The following KIF21A variants were observed in gnomAD, a reference collection of about 807,000 sequenced individuals.
The protein encoded by KIF21A is kinesin family member 21A, also known as kinesin-like protein KIF21A.
Under a neutral mutation model 202.9 loss-of-function variants are expected in KIF21A, and 114 were observed. That is an observed-to-expected ratio of 0.56 (90% CI 0.48 to 0.66). KIF21A has a LOEUF of 0.66. Ranked by LOEUF, KIF21A falls within the 30% of genes least tolerant of loss-of-function variation. The probability of loss-of-function intolerance (pLI) is 0.00; values close to 1 mark genes in which losing one functional copy is unlikely to be tolerated. For synonymous variants in KIF21A, 667 were observed against 670.8 expected (o/e 0.99, Z 0.09); for missense variants, 1,677 against 1,994.9 (o/e 0.84, Z 3.04).
chr12:39,295,692 G>GGTTTTTTTT (rs1426585743), intron 37 of KIF21A, among the ~76,000 whole-genome samples: 1 of 78,086 alleles, frequency 1.3e-5, no homozygotes, highest in Non-Finnish European at 2.5e-5. Context: ...CTTGGGATAT[G>GGTTTTTTTT]TTTTTTTTTT....
chr12:39,342,254 C>A, intron 12 of KIF21A, 130 bp from the exon 13 acceptor site: 1 of 698,238 alleles, frequency 1.4e-6, no homozygotes. Context: ...CTTAACTGAG[C>A]AAAGCTATTC....
At chr12:39,338,760 A>G (rs1162113530) in intron 16 of KIF21A, among the ~76,000 whole-genome samples, 1 of 152,230 alleles carries the variant, frequency 6.6e-6, no homozygotes, top group African/African-American at 2.4e-5. Context: ...TTAGGTGTGC[A>G]ATAGCATCAT....
chr12:39,330,124 G>A, intron 24 of KIF21A, 118 bp downstream of exon 24: 1 of 926,466 alleles, frequency 1.1e-6, no homozygotes, highest in Non-Finnish European at 1.8e-6. Flanking sequence ...AAAAGATCAT[G>A]CAAAAACCAC....
chr12:39,330,050 G>A (rs939891601), intron 24 of KIF21A, 192 bp downstream of exon 24: 1 of 534,704 alleles, frequency 1.9e-6, no homozygotes, highest in Non-Finnish European at 3.4e-6. Flanking sequence ...AACATCTAAG[G>A]ATTTTAAAAT....
At chr12:39,361,386 A>G (rs1949196610) in intron 7 of KIF21A, among the ~76,000 whole-genome samples, 1 of 152,180 alleles carries the variant, frequency 6.6e-6, no homozygotes, top group Non-Finnish European at 1.5e-5. Flanking sequence ...CAAGAAATAT[A>G]TGATAGTGGA....
chr12:39,301,892 T>A (rs564277894), intron 36 of KIF21A, among the ~76,000 whole-genome samples: 1 of 152,338 alleles, frequency 6.6e-6, no homozygotes, highest in African/African-American at 2.4e-5. Flanking sequence ...ATCACTGTTA[T>A]CAGCATATAA....
chr12:39,392,811 T>C (rs1010447059), intron 1 of KIF21A, among the ~76,000 whole-genome samples: 4 of 147,010 alleles, frequency 2.7e-5, no homozygotes, highest in African/African-American at 1.0e-4. Flanking sequence ...TGTGGGAAAA[T>C]ATGTACTATT....
intron 1 of KIF21A, among the ~76,000 whole-genome samples, chr12:39,418,293 T>A (rs1326180288): frequency 1.3e-5 from 2 of 152,056 alleles, no homozygotes; most frequent in African/African-American, 2.4e-5. Flanking sequence ...AGGTGATTAG[T>A]AACAGTTTTG....
chr12:39,395,568 G>A (rs566931619), intron 1 of KIF21A, among the ~76,000 whole-genome samples: 5 of 152,018 alleles, frequency 3.3e-5, no homozygotes, highest in African/African-American at 4.8e-5. Context: ...TCAGCCGGGC[G>A]CAGTGGCTGA....
In KIF21A at chr12:39,380,359, C is replaced by CAAT. The variant is rs992486132; in HGVS notation, c.45-10101_45-10099dup. ...TATTGACCTAGAATATAGGTCCCTACAATTCTCCAGCCTTTCACAAACAAG... is the reference window on the plus strand; with the variant it reads ...TATTGACCTAGAATATAGGTCCCTACAATAATTCTCCAGCCTTTCACAAACAAG... On this transcript the variant is annotated intron_variant, in intron 1 of 37. Transcript: ENST00000361418. 5.9e-5 allele frequency among the ~76,000 whole-genome samples: 9 copies of CAAT among 152,346 alleles called. No homozygotes were observed. The East Asian group carries it at 1.7e-3, about 29-fold the overall frequency.
At chr12:39,352,491 T>A (rs1948467808) in intron 10 of KIF21A, among the ~76,000 whole-genome samples, 1 of 152,182 alleles carries the variant, frequency 6.6e-6, no homozygotes, top group African/African-American at 2.4e-5. Context: ...TCAAAAGAAT[T>A]CTACATATTC....
chr12:39,391,065 C>A (rs370742303), intron 1 of KIF21A, among the ~76,000 whole-genome samples: 21 of 152,242 alleles, frequency 1.4e-4, no homozygotes, highest in African/African-American at 4.6e-4. Context: ...AATTATTATA[C>A]TGAAGTCAGG....
At chr12:39,356,590 C>A in intron 10 of KIF21A, 1 of 335,436 alleles carries the variant, frequency 3.0e-6, no homozygotes, top group Non-Finnish European at 5.4e-6. Flanking sequence ...AGGTAAGCAC[C>A]CAATATTGGG....
intron 1 of KIF21A, among the ~76,000 whole-genome samples, chr12:39,432,079 G>T (rs929456642): frequency 6.6e-6 from 1 of 152,218 alleles, no homozygotes; most frequent in Non-Finnish European, 1.5e-5. Context: ...TCAAAGAGAA[G>T]TGTTTTGTGT....
chr12:39,433,146 A>T (rs1380680967), intron 1 of KIF21A, among the ~76,000 whole-genome samples: 1 of 152,202 alleles, frequency 6.6e-6, no homozygotes, highest in Non-Finnish European at 1.5e-5. Flanking sequence ...AATAATAGGA[A>T]AAAACTGAAT....
chr12:39,442,858 G>C lies in KIF21A; in HGVS notation c.44+69C>G. ...TCCACCCCGGTAGCCGGTGCTCCGC[G>C]CCACAGCCAGGTCCTTGCCGCGCCC... On this transcript the variant is annotated intron_variant, in intron 1 of 37. Coordinates refer to ENST00000361418, the MANE Select transcript of KIF21A (RefSeq NM_001173464.2). This position sits in a 1 kb window ranked among gnomAD's most constrained non-coding sequence, Gnocchi z 5.0. The C allele has an allele frequency of 2.7e-6, 4 of 1,503,498 alleles. No individual in the cohort carries two copies. Among genetic ancestry groups the C allele is most frequent in the South Asian group, 1.2e-5 (1 of 82,200 alleles). 93.1% of individuals were successfully genotyped at this position (1,503,498 alleles called of 1,614,324 possible).
intron 26 of KIF21A, among the ~76,000 whole-genome samples, chr12:39,324,050 C>T (rs1945583441): frequency 6.6e-6 from 1 of 151,838 alleles, no homozygotes; most frequent in Non-Finnish European, 1.5e-5. Flanking sequence ...GCGGAGGTTG[C>T]AGTGAGCTGA....
At chr12:39,386,224 G>A (rs1233852927) in intron 1 of KIF21A, among the ~76,000 whole-genome samples, 2 of 152,150 alleles carry the variant, frequency 1.3e-5, no homozygotes, top group African/African-American at 4.8e-5. Context: ...GTCCTTAAAT[G>A]GAAAGGATGG....
chr12:39,388,137 G>C (rs1178380580), intron 1 of KIF21A, among the ~76,000 whole-genome samples: 2 of 152,154 alleles, frequency 1.3e-5, no homozygotes, highest in Admixed American at 1.3e-4. Flanking sequence ...GGAGGTGTTT[G>C]GGTCATGGAG....
Sources: allele counts gnomAD v4.1 joint callset (sites outside exome capture counted in the v4.1 genomes callset), GRCh38; gene constraint gnomAD v4.1.1; non-coding constraint Gnocchi (gnomAD v3.1); transcripts MANE v1.5; gene names NCBI Gene and HGNC (gene_info 2026-07-23, HGNC 2026-07-21).